The following RNF180 variants were observed in gnomAD, a reference collection of about 807,000 sequenced individuals.
The protein encoded by RNF180 is E3 ubiquitin-protein ligase RNF180.
Under a neutral mutation model 59.2 loss-of-function variants are expected in RNF180, and 38 were observed. That is an observed-to-expected ratio of 0.64 (90% CI 0.50 to 0.84). The LOEUF is 0.84. RNF180 is among the 40% of genes least tolerant of loss of function. The pLI, the probability that RNF180 is intolerant of heterozygous loss-of-function variation, is 0.00. For synonymous variants in RNF180, 262 were observed against 240.3 expected, an observed-to-expected ratio of 1.09 and a Z score of -0.84; for missense variants, 705 against 700.9, an observed-to-expected ratio of 1.01 and a Z score of -0.07.
At position 64,211,832 on chromosome 5, in the gene RNF180, A is replaced by G. The variant is rs562897237; in HGVS notation, c.136-233A>G. 3.9e-4 allele frequency among the ~76,000 whole-genome samples: 59 copies of G among 152,304 alleles called. No homozygotes were observed. The East Asian group carries it at 8.3e-3, about 21-fold the overall frequency. On this transcript the variant is annotated intron_variant, in intron 2 of 7. Coordinates refer to ENST00000389100, the MANE Select transcript of RNF180 (RefSeq NM_001113561.2). ...TTGTAAATTTCATTTGATGACCTCAATGAGATGGAAGGGCTTTGTCTTAAA... is the reference window on the plus strand; with the variant it reads ...TTGTAAATTTCATTTGATGACCTCAGTGAGATGGAAGGGCTTTGTCTTAAA...
intron 1 of RNF180, among the ~76,000 whole-genome samples, chr5:64,179,198 A>G (rs2111930457): frequency 6.6e-6 from 1 of 152,316 alleles, no homozygotes; most frequent in East Asian, 1.9e-4. Flanking sequence ...CAGATTCCTA[A>G]TAAAAAATTT....
chr5:64,264,955 G>C lies in RNF180; in HGVS notation c.1227+47559G>C, dbSNP rs572280978. Among the ~76,000 whole-genome samples the C allele has an allele frequency of 9.9e-5, 15 of 152,246 alleles. 2 individuals are homozygous for C. The highest frequency in any genetic ancestry group is 3.6e-4 in the African/African-American group (15 of 41,562). ...TGAGATGGTATCTCATTGTGGTTTT[G>C]ATTTGCATTTCTCTAATGACTAGTG... On this transcript the variant is annotated intron_variant, in intron 5 of 7. Transcript: ENST00000389100.
At chr5:64,251,481 G>A (rs1292230049) in intron 5 of RNF180, among the ~76,000 whole-genome samples, 1 of 152,140 alleles carries the variant, frequency 6.6e-6, no homozygotes, top group Non-Finnish European at 1.5e-5. Context: ...ACCCAGGCTG[G>A]TGCCATCATT....
chr5:64,293,136 G>A (rs1349383700), intron 5 of RNF180, among the ~76,000 whole-genome samples: 1 of 152,202 alleles, frequency 6.6e-6, no homozygotes, highest in Non-Finnish European at 1.5e-5. Flanking sequence ...TGATCTGTGG[G>A]TTGCAAAGAT....
chr5:64,199,812 A>C (rs1751644557), intron 1 of RNF180, among the ~76,000 whole-genome samples: 2 of 152,334 alleles, frequency 1.3e-5, no homozygotes, highest in Middle Eastern at 3.4e-3. Flanking sequence ...GTTATGTATT[A>C]GTGTGAAACT....
rs112973379 is a variant in RNF180 at position 64,354,407 on chromosome 5, T to C, written c.1580-15208T>C. On this transcript the variant is annotated intron_variant, in intron 7 of 7. Coordinates refer to ENST00000389100, the MANE Select transcript of RNF180 (RefSeq NM_001113561.2). Reference sequence around the variant, plus strand: ...TTATCTGAACTGAATCTAGAAGAAATAGAAAATCTCAACAGAACTATAACA... The same window carrying C: ...TTATCTGAACTGAATCTAGAAGAAACAGAAAATCTCAACAGAACTATAACA... 1.2e-3 allele frequency among the ~76,000 whole-genome samples: 181 copies of C among 151,832 alleles called. 2 individuals carry two copies. Among genetic ancestry groups the C allele is most frequent in the Non-Finnish European group, 2.2e-3 (152 of 67,836 alleles).
chr5:64,236,527 A>G (rs1348462874), intron 5 of RNF180, among the ~76,000 whole-genome samples: 1 of 152,228 alleles, frequency 6.6e-6, no homozygotes, highest in Non-Finnish European at 1.5e-5. Context: ...TGTGGTAGAA[A>G]AGAAAAACCC....
intron 5 of RNF180, among the ~76,000 whole-genome samples, chr5:64,267,139 T>C (rs967236229): frequency 3.9e-5 from 6 of 152,118 alleles, no homozygotes; most frequent in African/African-American, 1.4e-4. Context: ...CTAAGGGTTC[T>C]ATTAACAGAT....
At position 64,369,793 on chromosome 5, in the gene RNF180, C is replaced by A; in HGVS notation, c.1758C>A (p.Cys586Ter). 6.6e-7 allele frequency: 1 copy of A among 1,514,172 alleles called. No individual in the cohort carries two copies. The highest frequency in any genetic ancestry group is 8.8e-7 in the Non-Finnish European group (1 of 1,131,608). 93.8% of individuals were successfully genotyped at this position (1,514,172 alleles called of 1,614,324 possible). The change falls in exon 8 of 8, where the codon TGC (cysteine) becomes TGA (stop). Residue 586 changes from cysteine (C) to a stop codon, truncating the protein, a stop_gained. Coordinates refer to ENST00000389100, the MANE Select transcript of RNF180 (RefSeq NM_001113561.2). LOFTEE classifies it high-confidence loss of function. Reference sequence around the variant, plus strand: ...GATTCATTGTTTTCTGCTTTCTTTGCTATTTTTTCTTTCCGTTTTAGGAAT... The same window carrying A: ...GATTCATTGTTTTCTGCTTTCTTTGATATTTTTTCTTTCCGTTTTAGGAAT... ...VIGFIVFCFLCYFFFPF is the reference protein window; with the variant it reads ...VIGFIVFCFL
rs185756791 is a variant in RNF180 at position 64,296,185 on chromosome 5, G to C, written c.1228-29001G>C. On this transcript the variant is annotated intron_variant, in intron 5 of 7. Coordinates refer to ENST00000389100, the MANE Select transcript of RNF180 (RefSeq NM_001113561.2). ...GATCTGGAGGGCACTTAGGTCCACGGAAATTTCTAAAGTATGACTACTAAC... is the reference window on the plus strand; with the variant it reads ...GATCTGGAGGGCACTTAGGTCCACGCAAATTTCTAAAGTATGACTACTAAC... 2.3e-4 allele frequency among the ~76,000 whole-genome samples: 35 copies of C among 152,220 alleles called. No individual in the cohort carries two copies. The East Asian group carries it at 5.0e-3, about 22-fold the overall frequency.
rs984620378 is a variant in RNF180 at position 64,184,464 on chromosome 5, C to T, written c.1-16344C>T. Among the ~76,000 whole-genome samples the T allele has an allele frequency of 2.0e-5, 3 of 152,044 alleles. No homozygotes were observed. In the South Asian group the frequency reaches 6.2e-4, roughly 32 times the overall value. On this transcript the variant is annotated intron_variant, in intron 1 of 7. Coordinates refer to ENST00000389100, the MANE Select transcript of RNF180 (RefSeq NM_001113561.2). ...AAAAATGGTAATTTTAATATAATCA[C>T]CCTTCATTTTTTAGCACTGTGCTTC...
chr5:64,181,467 G>C (rs922357848), intron 1 of RNF180, among the ~76,000 whole-genome samples: 5 of 152,126 alleles, frequency 3.3e-5, no homozygotes, highest in Non-Finnish European at 2.9e-5. Flanking sequence ...TTTTTAAATG[G>C]GTTTCCTCTC....
intron 1 of RNF180, among the ~76,000 whole-genome samples, chr5:64,181,067 G>T (rs1750550988): frequency 6.6e-6 from 1 of 152,186 alleles, no homozygotes; most frequent in South Asian, 2.1e-4. Flanking sequence ...TGATGTTCGA[G>T]GGTAGGAAGT....
At position 64,311,270 on chromosome 5, in the gene RNF180, T is replaced by A. The variant is rs2112481171; in HGVS notation, c.1228-13916T>A. Reference sequence around the variant, plus strand: ...GGCTCTTTGGGATAGAGGAAGTAAGTTATGGTTGATATAGTTCAAACTAAA... The same window carrying A: ...GGCTCTTTGGGATAGAGGAAGTAAGATATGGTTGATATAGTTCAAACTAAA... On this transcript the variant is annotated intron_variant, in intron 5 of 7. Transcript: ENST00000389100. 1.3e-5 allele frequency among the ~76,000 whole-genome samples: 2 copies of A among 152,096 alleles called. 1 individual carries two copies. Among genetic ancestry groups the A allele is most frequent in the South Asian group, 4.1e-4 (2 of 4,826 alleles).
At chr5:64,217,549 A>G in intron 5 of RNF180, 153 bp downstream of exon 5, 1 of 1,190,420 alleles carries the variant, frequency 8.4e-7, no homozygotes, top group Non-Finnish European at 1.1e-6. Context: ...TAGTCATTCA[A>G]ATACATAGAC....
chr5:64,324,378 G>A (rs1580253330), intron 5 of RNF180, among the ~76,000 whole-genome samples: 1 of 152,134 alleles, frequency 6.6e-6, no homozygotes, highest in Non-Finnish European at 1.5e-5. Context: ...ACATCTTTGG[G>A]ATATGAGAGG....
At chr5:64,367,754 A>G (rs1416882102) in intron 7 of RNF180, among the ~76,000 whole-genome samples, 1 of 151,688 alleles carries the variant, frequency 6.6e-6, no homozygotes, top group Non-Finnish European at 1.5e-5. Flanking sequence ...GCTTCAGGCT[A>G]GAGCTTCACA....
intron 5 of RNF180, among the ~76,000 whole-genome samples, chr5:64,282,950 T>C (rs182406950): frequency 3.9e-5 from 6 of 152,346 alleles, no homozygotes; most frequent in Admixed American, 3.3e-4. Context: ...ATGTGCCATA[T>C]GCAGATGTGA....
intron 7 of RNF180, among the ~76,000 whole-genome samples, chr5:64,353,681 T>C (rs1745905109): frequency 6.6e-6 from 1 of 151,850 alleles, no homozygotes; most frequent in Non-Finnish European, 1.5e-5. Flanking sequence ...GTGTTTACTT[T>C]TGATATTTAA....
Sources: allele counts gnomAD v4.1 joint callset (sites outside exome capture counted in the v4.1 genomes callset), GRCh38; gene constraint gnomAD v4.1.1; transcripts MANE v1.5; gene names NCBI Gene and HGNC (gene_info 2026-07-23, HGNC 2026-07-21).